PBX1: variants seen among roughly 807,000 people sequenced by gnomAD.
PBX1 encodes pre-B-cell leukemia transcription factor 1.
In PBX1, 6 loss-of-function variants were observed where a neutral mutation model predicts 53.4. The observed-to-expected ratio is 0.11, with a 90% CI of 0.06 to 0.22. The LOEUF (loss-of-function observed/expected upper bound fraction) is 0.22, where lower values mean the gene tolerates loss of function less well. Ranked by LOEUF, PBX1 falls within the 10% of genes least tolerant of loss-of-function variation. The probability of loss-of-function intolerance (pLI) is 1.00; values close to 1 mark genes in which losing one functional copy is unlikely to be tolerated. For missense variants in PBX1, 251 were observed against 551.4 expected (o/e 0.46, Z 5.46); for synonymous variants, 204 against 212.3 (o/e 0.96, Z 0.34).
chr1:164,659,434 A>ATATGTTTCCCTTGTG (rs1491478378), intron 2 of PBX1, among the ~76,000 whole-genome samples: 3 of 152,228 alleles, frequency 2.0e-5, no homozygotes. Context: ...AAGCTGTAGC[A>ATATGTTTCCCTTGTG]TATGTTTCCC....
At chr1:164,874,985 C>A (rs1934089) in intron 2 of PBX1, among the ~76,000 whole-genome samples, 60,393 of 151,982 alleles carry the variant, frequency 0.4, 12,245 homozygotes, top group Middle Eastern at 0.51. Flanking sequence ...TAAAGACGTA[C>A]AATCATATGG....
chr1:164,566,890 A>G (rs1162926754), intron 2 of PBX1, among the ~76,000 whole-genome samples: 1 of 152,296 alleles, frequency 6.6e-6, no homozygotes, highest in East Asian at 1.9e-4. Context: ...TGTCTGCATC[A>G]AAGTTAACGC....
At chr1:164,634,841 G>A (rs1265451358) in intron 2 of PBX1, among the ~76,000 whole-genome samples, 1 of 152,132 alleles carries the variant, frequency 6.6e-6, no homozygotes, top group Non-Finnish European at 1.5e-5. Context: ...AATTTTGAGG[G>A]TGGGGCCTTT....
intron 2 of PBX1, among the ~76,000 whole-genome samples, chr1:164,724,670 A>ATTTTTTTTTTTTTTTTTTTTTTTTTTTT (rs59042806): frequency 2.1e-5 from 1 of 48,238 alleles, no homozygotes; most frequent in Non-Finnish European, 4.3e-5. Context: ...ATAGCTGCAG[A>ATTTTTTTTTTTTTTTTTTTTTTTTTTTT]TTTTTTTTTT....
At chr1:164,872,811 C>T (rs950945520) in intron 2 of PBX1, among the ~76,000 whole-genome samples, 2 of 152,178 alleles carry the variant, frequency 1.3e-5, no homozygotes, top group Non-Finnish European at 2.9e-5. Flanking sequence ...AATACTTTTA[C>T]ATTTATCCTT....
intron 2 of PBX1, among the ~76,000 whole-genome samples, chr1:164,626,427 TG>T (rs2101867437): frequency 6.6e-6 from 1 of 152,098 alleles, no homozygotes; most frequent in Admixed American, 6.5e-5. Context: ...TGCTAGTGGG[TG>T]GGTAAGTGGA....
intron 2 of PBX1, chr1:164,674,934 C>T (rs1472318323): frequency 7.3e-6 from 1 of 137,842 alleles, no homozygotes; most frequent in Non-Finnish European, 1.5e-5. Flanking sequence ...GAAAATAACC[C>T]TTTCTTTAGC....
intron 2 of PBX1, among the ~76,000 whole-genome samples, chr1:164,711,162 T>A (rs1403823725): frequency 2.6e-5 from 4 of 152,200 alleles, no homozygotes; most frequent in African/African-American, 9.7e-5. Flanking sequence ...CTGCTGACTT[T>A]GTACCAACAG....
rs185809865 is a variant in PBX1, at chr1:164,876,854, T to C, written n.258-22334T>C. On this transcript the variant is annotated intron_variant and non_coding_transcript_variant, in intron 2 of 2. Coordinates refer to the PBX1 transcript ENST00000558796. ...GACCTTTTAGGACACAGTTGTATGATGAAAAGAGGCACATCCTCCTTTAGG... is the reference window on the plus strand; with the variant it reads ...GACCTTTTAGGACACAGTTGTATGACGAAAAGAGGCACATCCTCCTTTAGG... 1.2e-4 allele frequency among the ~76,000 whole-genome samples: 18 copies of C among 152,246 alleles called. No homozygotes were observed. In the East Asian group the frequency reaches 2.3e-3, roughly 20 times the overall value.
intron 2 of PBX1, among the ~76,000 whole-genome samples, chr1:164,577,703 T>C (rs890645288): frequency 2.0e-5 from 3 of 152,202 alleles, no homozygotes; most frequent in Non-Finnish European, 4.4e-5. Context: ...TTCTATTGAA[T>C]GAATGTGGGA....
intron 3 of PBX1, among the ~76,000 whole-genome samples, chr1:164,796,131 A>C (rs1034522664): frequency 2.0e-5 from 3 of 150,114 alleles, no homozygotes; most frequent in Non-Finnish European, 4.4e-5. Context: ...TGCCTCAACC[A>C]CCCAAGCAGC....
At chr1:164,572,617 G>A (rs2101716045) in intron 2 of PBX1, among the ~76,000 whole-genome samples, 2 of 152,268 alleles carry the variant, frequency 1.3e-5, no homozygotes, top group Non-Finnish European at 2.9e-5. Flanking sequence ...GACTTTGAGT[G>A]AAACCATCCT....
At chr1:164,573,777 TGCCCA>T (rs1654037431) in intron 2 of PBX1, among the ~76,000 whole-genome samples, 1 of 152,214 alleles carries the variant, frequency 6.6e-6, no homozygotes, top group Non-Finnish European at 1.5e-5. Flanking sequence ...TGAGCCACCG[TGCCCA>T]GCATTTATAG....
At chr1:164,627,682 C>CCA (rs750790781) in intron 2 of PBX1, among the ~76,000 whole-genome samples, 14 of 152,184 alleles carry the variant, frequency 9.2e-5, no homozygotes, top group Non-Finnish European at 2.1e-4. Context: ...AAGGAATAGA[C>CCA]GATGGGCTTT....
At chr1:164,751,079 G>T (rs1220791148) in intron 2 of PBX1, among the ~76,000 whole-genome samples, 1 of 152,056 alleles carries the variant, frequency 6.6e-6, no homozygotes, top group Non-Finnish European at 1.5e-5. Flanking sequence ...ACTTTGGGAG[G>T]CTGAGGCGGG....
At chr1:164,585,754 T>C (rs1654910898) in intron 2 of PBX1, among the ~76,000 whole-genome samples, 1 of 152,206 alleles carries the variant, frequency 6.6e-6, no homozygotes, top group Admixed American at 6.5e-5. Context: ...CTTGGGCATC[T>C]TGGCAGCTAA....
chr1:164,714,075 T>C (rs1312902417), intron 2 of PBX1, among the ~76,000 whole-genome samples: 1 of 152,236 alleles, frequency 6.6e-6, no homozygotes, highest in Non-Finnish European at 1.5e-5. Context: ...TTAAACAGTT[T>C]GTTTTTAAAG....
rs1671701048 is a variant in PBX1, at chr1:164,849,015, G to A, written c.*2339G>A. On this transcript the variant is annotated 3_prime_UTR_variant, in exon 9 of 9. Coordinates refer to ENST00000420696, the MANE Select transcript of PBX1 (RefSeq NM_002585.4). ...ACAGATGCCTAGAAGGAGCATTTTT[G>A]TGACAACTTCATAGTGATTAGAATC... 3 of 1,172,976 alleles carry A rather than the reference G, an allele frequency of 2.6e-6. No individual in the cohort carries two copies. Among genetic ancestry groups the A allele is most frequent in the Middle Eastern group, 3.5e-4 (1 of 2,894 alleles). 72.7% of individuals were successfully genotyped at this position (1,172,976 alleles called of 1,614,324 possible).
chr1:164,714,274 G>A (rs978777301), intron 2 of PBX1, among the ~76,000 whole-genome samples: 1 of 152,208 alleles, frequency 6.6e-6, no homozygotes, highest in Admixed American at 6.5e-5. Context: ...GATCTTACAT[G>A]TATGATCTAG....
Sources: allele counts gnomAD v4.1 joint callset (sites outside exome capture counted in the v4.1 genomes callset), GRCh38; gene constraint gnomAD v4.1.1; transcripts MANE v1.5; gene names NCBI Gene and HGNC (gene_info 2026-07-23, HGNC 2026-07-21).